The following RBM47 variants were observed in gnomAD, a reference collection of about 807,000 sequenced individuals.
The protein encoded by RBM47 is RNA-binding protein 47.
RBM47 carries 21 observed loss-of-function variants against 47.1 expected under a neutral mutation model. The observed-to-expected ratio is 0.45, with a 90% CI of 0.32 to 0.64. RBM47 has a LOEUF of 0.64. Ranked by LOEUF, RBM47 falls within the 30% of genes least tolerant of loss-of-function variation. RBM47 has a pLI of 0.05. For missense variants in RBM47, 708 were observed against 870.9 expected, an observed-to-expected ratio of 0.81 and a Z score of 2.35; for synonymous variants, 375 against 361.7, an observed-to-expected ratio of 1.04 and a Z score of -0.42.
rs150776216 is a variant in RBM47, at chr4:40,440,563, A to C, written c.-31-1639T>G. 2.8e-3 allele frequency among the ~76,000 whole-genome samples: 420 copies of C among 152,316 alleles called. 5 individuals carry two copies. The highest frequency in any genetic ancestry group is 9.5e-3 in the African/African-American group (395 of 41,570). ...AATAAAACTATAATGAAACAAAATAAATCTGAGCTATTTATTTGCCAGATG... is the reference window on the plus strand; with the variant it reads ...AATAAAACTATAATGAAACAAAATACATCTGAGCTATTTATTTGCCAGATG... On this transcript the variant is annotated intron_variant, in intron 3 of 6. Transcript: ENST00000295971.
chr4:40,526,005 G>C (rs1242690680), intron 2 of RBM47, among the ~76,000 whole-genome samples: 1 of 152,112 alleles, frequency 6.6e-6, no homozygotes, highest in African/African-American at 2.4e-5. Flanking sequence ...TCAAAGGAGA[G>C]GCAACAAGAA....
intron 1 of RBM47, among the ~76,000 whole-genome samples, chr4:40,617,467 G>T (rs6843971): frequency 0.15 from 22,743 of 151,820 alleles, 1,914 homozygotes; most frequent in African/African-American, 0.2. Flanking sequence ...GCTGAGGCAG[G>T]AGAATCGCTT....
chr4:40,518,153 CTTTTCTTTT>C (rs1286945725), intron 2 of RBM47, among the ~76,000 whole-genome samples: 312 of 99,452 alleles, frequency 3.1e-3, no homozygotes, highest in South Asian at 0.015. Context: ...TGTTTCTTTT[CTTTTCTTTT>C]TTTTTTTTTT....
chr4:40,615,223 G>C (rs1736615028), intron 1 of RBM47, among the ~76,000 whole-genome samples: 1 of 152,130 alleles, frequency 6.6e-6, no homozygotes, highest in South Asian at 2.1e-4. Context: ...TGGCTCACTT[G>C]AGCTCAAGAG....
chr4:40,490,084 C>A lies in RBM47; in HGVS notation c.-154-23385G>T, dbSNP rs143211781. ...AAAGCATTTGATACAATGCACCAAC[C>A]CTTCATAACTAAAACACAACATATT... On this transcript the variant is annotated intron_variant, in intron 2 of 6. Transcript: ENST00000295971. 2.0e-5 allele frequency among the ~76,000 whole-genome samples: 3 copies of A among 152,178 alleles called. No individual in the cohort carries two copies. The East Asian group carries it at 5.8e-4, about 29-fold the overall frequency.
At chr4:40,528,949 A>AAAAATAAAT (rs1553896751) in intron 2 of RBM47, among the ~76,000 whole-genome samples, 40 of 88,652 alleles carry the variant, frequency 4.5e-4, no homozygotes, top group African/African-American at 1.4e-3. Context: ...TCTCAAAAAA[A>AAAAATAAAT]AAATAAATAA....
intron 2 of RBM47, among the ~76,000 whole-genome samples, chr4:40,535,563 T>G (rs947102202): frequency 6.6e-6 from 1 of 150,816 alleles, no homozygotes; most frequent in Non-Finnish European, 1.5e-5. Context: ...TTTTTCGTTT[T>G]TGTTTTTGTA....
chr4:40,537,545 C>T (rs2154261010), intron 2 of RBM47, among the ~76,000 whole-genome samples: 1 of 137,690 alleles, frequency 7.3e-6, no homozygotes, highest in South Asian at 2.3e-4. Flanking sequence ...AGCCACCATA[C>T]CTGGCCTAAT....
intron 2 of RBM47, among the ~76,000 whole-genome samples, chr4:40,511,944 A>G (rs957891861): frequency 1.3e-5 from 2 of 151,794 alleles, no homozygotes; most frequent in African/African-American, 4.8e-5. Context: ...CAAAAAAAAA[A>G]AAAAGAAAAG....
chr4:40,457,158 G>A (rs904312726), intron 3 of RBM47, among the ~76,000 whole-genome samples: 7 of 150,996 alleles, frequency 4.6e-5, no homozygotes, highest in South Asian at 2.1e-4. Flanking sequence ...GGTGGCTCAC[G>A]CCTGTAATCC....
rs911475755 is a variant in RBM47, at chr4:40,449,466, G to C, written c.-31-10542C>G. Among the ~76,000 whole-genome samples the C allele has an allele frequency of 3.9e-5, 6 of 152,168 alleles. No individual in the cohort carries two copies. In the South Asian group the frequency reaches 1.0e-3, roughly 26 times the overall value. On this transcript the variant is annotated intron_variant, in intron 3 of 6. Transcript: ENST00000295971. ...AAAGCACATCATTCAATGAATGCTT[G>C]TGTATGATAAACAGATGCAAAGCCA...
intron 3 of RBM47, among the ~76,000 whole-genome samples, chr4:40,451,184 C>CAAAAAGAAAAAA (rs1715381261): frequency 1.9e-5 from 1 of 51,474 alleles, no homozygotes; most frequent in African/African-American, 6.1e-5. Flanking sequence ...CAGTAGCTAC[C>CAAAAAGAAAAAA]AAAAAAAAAA....
intron 1 of RBM47, among the ~76,000 whole-genome samples, chr4:40,560,770 G>A (rs1435840133): frequency 1.3e-5 from 2 of 152,118 alleles, no homozygotes; most frequent in Non-Finnish European, 2.9e-5. Context: ...TTCAAGACCA[G>A]CCTGGCCAAA....
chr4:40,581,861 A>T (rs1157820634), intron 1 of RBM47, among the ~76,000 whole-genome samples: 1 of 151,850 alleles, frequency 6.6e-6, no homozygotes, highest in Non-Finnish European at 1.5e-5. Flanking sequence ...CAGCCCCAGG[A>T]GCAACCAGAC....
At chr4:40,595,269 C>T (rs1734641122) in intron 1 of RBM47, among the ~76,000 whole-genome samples, 1 of 151,218 alleles carries the variant, frequency 6.6e-6, no homozygotes, top group African/African-American at 2.4e-5. Flanking sequence ...GCTGAGGCAG[C>T]AGATCACTTG....
chr4:40,539,162 G>GA (rs1206724707), intron 2 of RBM47, among the ~76,000 whole-genome samples: 16 of 151,282 alleles, frequency 1.1e-4, no homozygotes, highest in Middle Eastern at 3.4e-3. Flanking sequence ...ATGTGTAATG[G>GA]AAAAAAAAAT....
chr4:40,605,555 G>A (rs755863571), intron 1 of RBM47, among the ~76,000 whole-genome samples: 31 of 152,008 alleles, frequency 2.0e-4, no homozygotes, highest in Non-Finnish European at 2.8e-4. Flanking sequence ...CTTCGGCCGG[G>A]CACGGTGGCT....
intron 1 of RBM47, among the ~76,000 whole-genome samples, chr4:40,581,434 T>TAATAAATTAATA (rs1553904670): frequency 1.7e-4 from 23 of 139,042 alleles, no homozygotes; most frequent in African/African-American, 6.3e-4. Context: ...AAAAAAGTAA[T>TAATAAATTAATA]AATAAATAAA....
rs111961884 is a variant in RBM47, at chr4:40,590,558, T to C, written c.-240+38838A>G. Among the ~76,000 whole-genome samples the C allele has an allele frequency of 9.4e-3, 1,429 of 152,284 alleles. 26 individuals are homozygous for C. The highest frequency in any genetic ancestry group is 0.032 in the African/African-American group (1,342 of 41,560). On this transcript the variant is annotated intron_variant, in intron 1 of 6. Coordinates refer to ENST00000295971, the MANE Select transcript of RBM47 (RefSeq NM_001098634.2). ...TAGACACATTGCCTCACCTGGTGAA[T>C]GACATTGTGAATAAGAGATCAGCTT...
Sources: allele counts gnomAD v4.1 joint callset (sites outside exome capture counted in the v4.1 genomes callset), GRCh38; gene constraint gnomAD v4.1.1; transcripts MANE v1.5; gene names NCBI Gene and HGNC (gene_info 2026-07-23, HGNC 2026-07-21).